PTPRT: variants seen among roughly 807,000 people sequenced by gnomAD.
The protein encoded by PTPRT is receptor-type tyrosine-protein phosphatase T.
Under a neutral mutation model 176.8 loss-of-function variants are expected in PTPRT, and 56 were observed. The observed-to-expected ratio is 0.32, with a 90% CI of 0.26 to 0.40. The LOEUF (loss-of-function observed/expected upper bound fraction) is 0.40. PTPRT is among the 10% of genes least tolerant of loss of function. The probability of loss-of-function intolerance (pLI) is 1.00; values close to 1 mark genes in which losing one functional copy is unlikely to be tolerated. For synonymous variants in PTPRT, 783 were observed against 739.0 expected, an observed-to-expected ratio of 1.06 and a Z score of -0.96; for missense variants, 1,540 against 1,908.2, an observed-to-expected ratio of 0.81 and a Z score of 3.60.
intron 7 of PTPRT, among the ~76,000 whole-genome samples, chr20:42,656,407 A>C (rs1373476607): frequency 6.6e-6 from 1 of 152,200 alleles, no homozygotes; most frequent in East Asian, 1.9e-4. Context: ...ACTTACAAGT[A>C]GTGATAAGAA....
At chr20:42,070,903 T>G (rs1982298093), downstream of PTPRT, among the ~76,000 whole-genome samples, 1 of 152,180 alleles carries the variant, frequency 6.6e-6, no homozygotes, top group African/African-American at 2.4e-5. Context: ...ATGTGAGATT[T>G]TTTTCCTTCT....
chr20:42,917,874 C>T (rs1007113175), intron 1 of PTPRT, among the ~76,000 whole-genome samples: 1 of 152,204 alleles, frequency 6.6e-6, no homozygotes, highest in Non-Finnish European at 1.5e-5. Flanking sequence ...GCTGCTGACA[C>T]TGGAGAGGGA....
chr20:43,039,458 G>T (rs1473232768), intron 1 of PTPRT, among the ~76,000 whole-genome samples: 1 of 151,644 alleles, frequency 6.6e-6, no homozygotes, highest in African/African-American at 2.4e-5. Flanking sequence ...AAAGGAAGAA[G>T]GGAGGGAAGG....
intron 7 of PTPRT, among the ~76,000 whole-genome samples, chr20:42,662,740 T>C (rs2075245915): frequency 6.6e-6 from 1 of 152,110 alleles, no homozygotes; most frequent in Admixed American, 6.5e-5. Flanking sequence ...CTTACTCTAT[T>C]TGAACACTGA....
At chr20:43,073,448 CTT>C (rs1356798226) in intron 1 of PTPRT, among the ~76,000 whole-genome samples, 1 of 147,906 alleles carries the variant, frequency 6.8e-6, no homozygotes, top group Non-Finnish European at 1.5e-5. Context: ...ATAGCTTACT[CTT>C]TATGTAGAAA....
intron 7 of PTPRT, among the ~76,000 whole-genome samples, chr20:42,649,220 G>A (rs763174927): frequency 6.6e-6 from 1 of 152,052 alleles, no homozygotes; most frequent in African/African-American, 2.4e-5. Context: ...CATGGATGGC[G>A]ACAGGCAAAG....
intron 2 of PTPRT, among the ~76,000 whole-genome samples, chr20:42,792,987 C>T (rs2077399092): frequency 6.6e-6 from 1 of 152,138 alleles, no homozygotes; most frequent in Non-Finnish European, 1.5e-5. Context: ...TGCATGTTTC[C>T]CCTGAACCAC....
chr20:42,683,004 G>A lies in PTPRT; in HGVS notation c.860-4845C>T, dbSNP rs535284655. Among the ~76,000 whole-genome samples the A allele has an allele frequency of 3.9e-5, 6 of 152,248 alleles. No homozygotes were observed. The South Asian group carries it at 1.2e-3, about 32-fold the overall frequency. On this transcript the variant is annotated intron_variant, in intron 6 of 30. Transcript: ENST00000373187. ...GAGAAAAACCAAACGTTACTAAGAC[G>A]TGAAGTGAGCCTTGATATGATTAAG...
At chr20:42,760,577 C>T (rs934804047) in intron 5 of PTPRT, among the ~76,000 whole-genome samples, 6 of 152,080 alleles carry the variant, frequency 3.9e-5, no homozygotes, top group South Asian at 4.2e-4. Context: ...TTTATCTGAG[C>T]GTTTATCAAG....
In PTPRT at chr20:42,917,594, G is replaced by C. The variant is rs890978420; in HGVS notation, c.89-31662C>G. ...CGATATTGATTCTTCCTACCCATGA[G>C]CATTGTTATCAAAGGAAAATCTCAG... On this transcript the variant is annotated intron_variant, in intron 1 of 30. Coordinates refer to ENST00000373187, the MANE Select transcript of PTPRT (RefSeq NM_007050.6). Among the ~76,000 whole-genome samples the C allele has an allele frequency of 2.0e-5, 3 of 152,276 alleles. No homozygotes were observed. In the South Asian group the frequency reaches 6.2e-4, roughly 32 times the overall value.
intron 23 of PTPRT, among the ~76,000 whole-genome samples, chr20:42,108,909 G>C (rs748917534): frequency 6.6e-6 from 1 of 152,296 alleles, no homozygotes; most frequent in East Asian, 1.9e-4. Flanking sequence ...ATCATGCGCC[G>C]AAGTCCTGAT....
intron 9 of PTPRT, among the ~76,000 whole-genome samples, chr20:42,355,079 A>T (rs2058339975): frequency 6.6e-6 from 1 of 152,024 alleles, no homozygotes; most frequent in Non-Finnish European, 1.5e-5. Flanking sequence ...ACAGGCATCT[A>T]TCTGCCTCTC....
rs150733010 is a variant in PTPRT, at chr20:42,749,707, T to A, written c.859+6755A>T. ...ACCATGCAGCACAGATTTGCATGAT[T>A]CTTCCTGCTAGACCATGAGCTTATT... On this transcript the variant is annotated intron_variant, in intron 6 of 30. Transcript: ENST00000373187. Among the ~76,000 whole-genome samples, 4 of 152,360 alleles carry A rather than the reference T, an allele frequency of 2.6e-5. No individual in the cohort carries two copies. The East Asian group carries it at 5.8e-4, about 22-fold the overall frequency.
At chr20:42,648,463 C>A (rs867909881) in intron 7 of PTPRT, among the ~76,000 whole-genome samples, 1 of 152,090 alleles carries the variant, frequency 6.6e-6, no homozygotes, top group Non-Finnish European at 1.5e-5. Context: ...AATCAGAAGG[C>A]AGCTGCTAAG....
chr20:42,049,811 ACCAT>A, the PTPRT span, among the ~76,000 whole-genome samples: 33 of 152,186 alleles, frequency 2.2e-4, no homozygotes, highest in African/African-American at 7.7e-4. Flanking sequence ...GGCTGATCTC[ACCAT>A]ACAGAAAGGA....
At chr20:42,212,230 T>C (rs2055654047) in intron 15 of PTPRT, among the ~76,000 whole-genome samples, 1 of 142,616 alleles carries the variant, frequency 7.0e-6, no homozygotes, top group Admixed American at 7.3e-5. Flanking sequence ...TGCACCAGCA[T>C]GGCACATGTA....
intron 12 of PTPRT, among the ~76,000 whole-genome samples, chr20:42,285,109 C>A (rs1315727480): frequency 2.0e-5 from 3 of 151,950 alleles, no homozygotes; most frequent in East Asian, 3.9e-4. Context: ...CATGTTTGGA[C>A]AAAGGTTTTC....
the PTPRT span, among the ~76,000 whole-genome samples, chr20:42,051,863 GCGT>G: frequency 2.6e-5 from 4 of 152,190 alleles, no homozygotes; most frequent in Admixed American, 2.6e-4. Flanking sequence ...CTGTTTTTGA[GCGT>G]CCACATTTTC....
intron 8 of PTPRT, among the ~76,000 whole-genome samples, chr20:42,471,048 A>T (rs1272023002): frequency 1.3e-5 from 2 of 152,078 alleles, no homozygotes; most frequent in African/African-American, 2.4e-5. Flanking sequence ...AGAATTGGAG[A>T]TTAGTTCAAT....
Sources: allele counts gnomAD v4.1 joint callset (sites outside exome capture counted in the v4.1 genomes callset), GRCh38; gene constraint gnomAD v4.1.1; transcripts MANE v1.5; gene names NCBI Gene and HGNC (gene_info 2026-07-23, HGNC 2026-07-21).